Variants in SATL1 observed in about 807,000 individuals in gnomAD.
SATL1 encodes spermidine/spermine N(1)-acetyltransferase-like protein 1.
In SATL1, 47 loss-of-function variants were observed where a neutral mutation model predicts 51.8. That is an observed-to-expected ratio of 0.91 (90% CI 0.72 to 1.16). The LOEUF is 1.16. Among genes scored for constraint, SATL1 ranks in the 50% most tolerant of loss-of-function variants. SATL1 has a pLI of 0.00. For synonymous variants in SATL1, 176 were observed against 182.4 expected, an observed-to-expected ratio of 0.97 and a Z score of 0.28; for missense variants, 520 against 526.4, an observed-to-expected ratio of 0.99 and a Z score of 0.12.
chrX:85,238,328 G>A (rs1386169755), intron 1 of SATL1, among the ~76,000 whole-genome samples: 1 of 111,412 alleles, frequency 9.0e-6, no homozygotes, highest in Non-Finnish European at 1.9e-5. Context: ...ATCAACAAAT[G>A]AATAGATAAA....
At chrX:85,148,769 T>C (rs1418390303) in intron 2 of SATL1, among the ~76,000 whole-genome samples, 3 of 110,897 alleles carry the variant, frequency 2.7e-5, no homozygotes, top group Non-Finnish European at 3.8e-5. Context: ...AAATGCTGAG[T>C]GATTTTGTCA....
At chrX:85,153,261 A>C (rs767971522) in intron 2 of SATL1, among the ~76,000 whole-genome samples, 279 of 111,279 alleles carry the variant, frequency 2.5e-3, no homozygotes, top group African/African-American at 8.1e-3. Context: ...TGGCCAAGTT[A>C]GTCTGTTAAC....
chrX:85,243,298 G>C (rs1928681917), intron 1 of SATL1, among the ~76,000 whole-genome samples: 1 of 112,286 alleles, frequency 8.9e-6, no homozygotes, highest in South Asian at 3.7e-4. Context: ...ACGCAATCTA[G>C]TCCCCACCTA....
At chrX:85,118,511 A>G (rs887622404) in intron 2 of SATL1, 3 of 96,008 alleles carry the variant, frequency 3.1e-5, no homozygotes, top group Non-Finnish European at 6.6e-5. Context: ...ACATTTTGTT[A>G]TTACAAAAAT....
In SATL1 at chrX:85,219,662, T is replaced by C. The variant is rs1245812476; in HGVS notation, c.-313+4543A>G. The stretch of plus-strand genomic sequence containing the variant: ...TTATTTGAAATATGTAATTTCATTA[T>C]GAATAAATTCCATAAAATAAACTAA... On this transcript the variant is annotated intron_variant, in intron 2 of 7. Transcript: ENST00000644105. 7 of 112,321 alleles carry C rather than the reference T, an allele frequency of 6.2e-5. 1 individual carries two copies. Among genetic ancestry groups the C allele is most frequent in the Middle Eastern group, 4.6e-3 (1 of 219 alleles). The allele number at this position is 112,321 out of a possible 1,213,427, so 9.3% of individuals were successfully genotyped here. A position where few individuals can be genotyped will look rare whatever the true frequency, so the allele number is the denominator to read the frequency against.
At position 85,142,591 on chromosome X, in the gene SATL1, T is replaced by C. The variant is rs187744029; in HGVS notation, c.-312-33311A>G. 6.3e-5 allele frequency: 7 copies of C among 110,659 alleles called. No homozygotes were observed. In the East Asian group the frequency reaches 2.0e-3, roughly 32 times the overall value. 9.1% of individuals were successfully genotyped at this position (110,659 alleles called of 1,213,427 possible). A position where few individuals can be genotyped will look rare whatever the true frequency, so the allele number is the denominator to read the frequency against. ...TGAATAAAGTACAATAATAGATACA[T>C]TCCAGCAGAAATACTTACATAAAAA... On this transcript the variant is annotated intron_variant, in intron 2 of 7. Transcript: ENST00000644105.
intron 2 of SATL1, among the ~76,000 whole-genome samples, chrX:85,173,789 A>G (rs1335609077): frequency 9.2e-6 from 1 of 109,031 alleles, no homozygotes; most frequent in Admixed American, 9.9e-5. Context: ...AATTATTATT[A>G]TACTTTAAGT....
chrX:85,206,525 A>G (rs1259639418), intron 2 of SATL1, among the ~76,000 whole-genome samples: 1 of 111,963 alleles, frequency 8.9e-6, no homozygotes. Context: ...AGCAATTACT[A>G]TTAGATTTGG....
At chrX:85,124,775 TTATAGA>T (rs1925580304) in intron 2 of SATL1, among the ~76,000 whole-genome samples, 1 of 110,949 alleles carries the variant, frequency 9.0e-6, no homozygotes, top group African/African-American at 3.3e-5. Flanking sequence ...GATTTATTAC[TTATAGA>T]TAGTAAGCAA....
intron 1 of SATL1, among the ~76,000 whole-genome samples, chrX:85,227,058 C>G (rs1928289537): frequency 9.0e-6 from 1 of 111,276 alleles, no homozygotes; most frequent in Non-Finnish European, 1.9e-5. Flanking sequence ...AGTCCTTTCC[C>G]TACTTTAACC....
rs187743735 is a variant in SATL1 at position 85,201,385 on chromosome X, G to A, written c.-313+22820C>T. On this transcript the variant is annotated intron_variant, in intron 2 of 7. Transcript: ENST00000644105. The stretch of plus-strand genomic sequence containing the variant: ...TAAGGCCCAATTTTAAGATTGTATC[G>A]TGTGCCACTGTATACCCTGATCTAT... 3.7e-3 allele frequency among the ~76,000 whole-genome samples: 413 copies of A among 110,944 alleles called. 2 individuals are homozygous for A. The highest frequency in any genetic ancestry group is 0.013 in the African/African-American group (391 of 30,513).
intron 2 of SATL1, among the ~76,000 whole-genome samples, chrX:85,169,495 C>T (rs1193219644): frequency 9.0e-6 from 1 of 111,095 alleles, no homozygotes; most frequent in Non-Finnish European, 1.9e-5. Context: ...AGAAAACATA[C>T]ATGCAGCCAA....
chrX:85,162,822 T>G (rs1304468995), intron 2 of SATL1, among the ~76,000 whole-genome samples: 1 of 111,539 alleles, frequency 9.0e-6, no homozygotes, highest in Non-Finnish European at 1.9e-5. Context: ...GTTTTAATTC[T>G]TTTTATGTGG....
Position 85,092,553 on chromosome X carries a change from G to A in SATL1, c.1926C>T (p.Ile642=), listed in dbSNP as rs751441801. ...AGTGCATGCAGTTACATTGAGTTGT[G>A]ATGGCTATCTGTTTAAAAACAAACA... ...EMLKRLSQIA[I]TTQCNCMHFL... is the part of the protein sequence containing the mutation. Residue 642 remains isoleucine, a synonymous_variant, in exon 8 of 8, where the codon ATC becomes ATT. Transcript: ENST00000644105. 1.7e-6 allele frequency: 2 copies of A among 1,203,956 alleles called. No homozygotes were observed. Among genetic ancestry groups the A allele is most frequent in the Non-Finnish European group, 2.2e-6 (2 of 890,980 alleles).
At chrX:85,103,780 G>T (rs909035772) in intron 4 of SATL1, 84 bp downstream of exon 4, 17 of 646,200 alleles carry the variant, frequency 2.6e-5, no homozygotes, top group Non-Finnish European at 4.2e-5. Context: ...TCATCTTTAT[G>T]TACCAAGAAC....
At chrX:85,202,823 G>T (rs1006336709) in intron 2 of SATL1, among the ~76,000 whole-genome samples, 1 of 111,520 alleles carries the variant, frequency 9.0e-6, no homozygotes, top group African/African-American at 3.3e-5. Context: ...TTGTTGGAGG[G>T]GTGGATAGGG....
chrX:85,097,919 C>G (rs1924779827), intron 4 of SATL1, among the ~76,000 whole-genome samples: 1 of 111,258 alleles, frequency 9.0e-6, no homozygotes, highest in Non-Finnish European at 1.9e-5. Context: ...GTAGGAACAA[C>G]CAAAAGCTTT....
intron 2 of SATL1, chrX:85,209,417 T>A (rs1442863509): frequency 8.9e-6 from 1 of 111,832 alleles, no homozygotes; most frequent in Admixed American, 9.5e-5. Context: ...GTGAAGAAAG[T>A]CATTGGTAGC....
At chrX:85,175,857 T>C (rs1476727421) in intron 2 of SATL1, among the ~76,000 whole-genome samples, 4 of 110,477 alleles carry the variant, frequency 3.6e-5, no homozygotes, top group Admixed American at 9.8e-5. Context: ...CTTACTCTCC[T>C]CCCTCCCTCT....
Sources: gnomAD v4.1 joint callset for allele counts (sites outside exome capture counted in the v4.1 genomes callset) on GRCh38, gnomAD v4.1.1 for gene constraint, MANE v1.5 for transcripts, NCBI Gene and HGNC (gene_info 2026-07-23, HGNC 2026-07-21) for gene names.